PRUNE2: variants seen among roughly 807,000 people sequenced by gnomAD.
The protein encoded by PRUNE2 is prune homolog 2 with BCH domain, also known as protein prune homolog 2.
PRUNE2 carries 164 observed loss-of-function variants against 252.0 expected under a neutral mutation model. The observed-to-expected ratio is 0.65, with a 90% CI of 0.57 to 0.74. The LOEUF (loss-of-function observed/expected upper bound fraction) is 0.74. PRUNE2 is among the 30% of genes least tolerant of loss of function. The probability of loss-of-function intolerance (pLI) is 0.00; values close to 1 mark genes in which losing one functional copy is unlikely to be tolerated. For missense variants in PRUNE2, 3,495 were observed against 3,711.0 expected, an observed-to-expected ratio of 0.94 and a Z score of 1.51; for synonymous variants, 1,292 against 1,350.2, an observed-to-expected ratio of 0.96 and a Z score of 0.94.
chr9:76,884,205 T>C (rs2061955955), intron 1 of PRUNE2, among the ~76,000 whole-genome samples: 1 of 152,186 alleles, frequency 6.6e-6, no homozygotes. Flanking sequence ...GGTGATTAAC[T>C]GTTCCATCCC....
At chr9:76,773,531 C>A (rs1450903628) in intron 6 of PRUNE2, among the ~76,000 whole-genome samples, 1 of 151,510 alleles carries the variant, frequency 6.6e-6, no homozygotes, top group Non-Finnish European at 1.5e-5. Context: ...GTAACCTCCA[C>A]CTCCCGGGTT....
intron 6 of PRUNE2, among the ~76,000 whole-genome samples, chr9:76,721,013 A>C (rs889135266): frequency 1.3e-5 from 2 of 152,166 alleles, no homozygotes; most frequent in Admixed American, 1.3e-4. Flanking sequence ...GAGGCAGGAG[A>C]AGGGCATAAA....
At position 76,827,073 on chromosome 9, in the gene PRUNE2, G is replaced by A. The variant is rs142188225; in HGVS notation, c.509-341C>T. On this transcript the variant is annotated intron_variant, in intron 4 of 18. Transcript: ENST00000376718. ...ATTGGTCTTAAATGATTTCAAAAAGGAAGTTAGTGGTAAACTATTTAAAAG... is the reference window on the plus strand; with the variant it reads ...ATTGGTCTTAAATGATTTCAAAAAGAAAGTTAGTGGTAAACTATTTAAAAG... 4.4e-3 allele frequency among the ~76,000 whole-genome samples: 674 copies of A among 152,264 alleles called. 5 individuals carry two copies. The highest frequency in any genetic ancestry group is 7.1e-3 in the Non-Finnish European group (486 of 68,028).
intron 11 of PRUNE2, among the ~76,000 whole-genome samples, chr9:76,645,731 T>C (rs908937507): frequency 6.6e-6 from 1 of 152,226 alleles, no homozygotes; most frequent in African/African-American, 2.4e-5. Flanking sequence ...TTAATGATGG[T>C]TATTCTTTGT....
intron 9 of PRUNE2, among the ~76,000 whole-genome samples, chr9:76,666,420 T>C (rs112140381): frequency 4.6e-4 from 70 of 152,364 alleles, no homozygotes; most frequent in African/African-American, 1.6e-3. Flanking sequence ...TAGTCCGCTT[T>C]CATGTTCCAT....
chr9:76,781,890 G>C (rs1347154817), intron 6 of PRUNE2, among the ~76,000 whole-genome samples: 2 of 152,148 alleles, frequency 1.3e-5, no homozygotes, highest in Non-Finnish European at 2.9e-5. Flanking sequence ...CAGAATACAG[G>C]TAGGCAAGGT....
At chr9:76,781,343 G>T (rs2131207458) in intron 6 of PRUNE2, among the ~76,000 whole-genome samples, 1 of 152,182 alleles carries the variant, frequency 6.6e-6, no homozygotes, top group East Asian at 1.9e-4. Flanking sequence ...CTCCAGCCAT[G>T]CCACTCCCTC....
At chr9:76,616,419 A>G (rs1829710381) in intron 18 of PRUNE2, among the ~76,000 whole-genome samples, 1 of 152,210 alleles carries the variant, frequency 6.6e-6, no homozygotes, top group Non-Finnish European at 1.5e-5. Context: ...GATGAAGAGA[A>G]TATTTACTAA....
chr9:76,706,240 T>C lies in PRUNE2; in HGVS notation c.6034A>G (p.Ser2012Gly). Residue 2012 changes from serine (S) to glycine (G), a missense_variant, in exon 8 of 19, where the codon AGC becomes GGC. Ser to Gly is a moderately conservative substitution (Grantham distance 56, BLOSUM62 0). Coordinates refer to ENST00000376718, the MANE Select transcript of PRUNE2 (RefSeq NM_015225.3). The stretch of plus-strand genomic sequence containing the variant: ...GCAGGAAAATTTTCTGTGGCAATGC[T>C]TGAATTTGTCATCTCACCTAGGTAT... ...KSYLGEMTNSSIATENFPAVS... is the reference protein window; with the variant it reads ...KSYLGEMTNSGIATENFPAVS... The C allele has an allele frequency of 6.2e-7, 1 of 1,614,030 alleles. No homozygotes were observed. Among genetic ancestry groups the C allele is most frequent in the Non-Finnish European group, 8.5e-7 (1 of 1,179,892 alleles).
chr9:76,841,249 G>A (rs1564416855), intron 4 of PRUNE2, among the ~76,000 whole-genome samples: 1 of 152,168 alleles, frequency 6.6e-6, no homozygotes, highest in Non-Finnish European at 1.5e-5. Flanking sequence ...GGGAAGCCAT[G>A]AGGGACCATG....
chr9:76,765,586 A>C (rs755997924), intron 6 of PRUNE2, among the ~76,000 whole-genome samples: 7 of 152,184 alleles, frequency 4.6e-5, no homozygotes, highest in Non-Finnish European at 1.0e-4. Context: ...TAACTGAATG[A>C]ATGAGTAAAC....
At chr9:76,615,664 T>G (rs541432027) in intron 18 of PRUNE2, among the ~76,000 whole-genome samples, 14 of 152,128 alleles carry the variant, frequency 9.2e-5, no homozygotes, top group Admixed American at 1.3e-4. Flanking sequence ...AATGAATAAG[T>G]CTAAAGCATT....
chr9:76,808,052 C>T (rs1401849240), intron 6 of PRUNE2, among the ~76,000 whole-genome samples: 1 of 152,082 alleles, frequency 6.6e-6, no homozygotes, highest in Non-Finnish European at 1.5e-5. Context: ...GCGGCAGGTG[C>T]CTGTAATCCC....
chr9:76,688,837 TCTA>T (rs1186019238), intron 9 of PRUNE2, among the ~76,000 whole-genome samples: 1 of 152,200 alleles, frequency 6.6e-6, no homozygotes, highest in Admixed American at 6.5e-5. Context: ...CTCCAGCTGC[TCTA>T]CCTTTTAGGC....
chr9:76,766,947 ATTGT>A (rs1340543970), intron 6 of PRUNE2, among the ~76,000 whole-genome samples: 2 of 151,844 alleles, frequency 1.3e-5, no homozygotes, highest in African/African-American at 2.4e-5. Context: ...TTCCTTATTT[ATTGT>A]TTATCATCTA....
chr9:76,892,374 T>C (rs1265855601), intron 1 of PRUNE2, among the ~76,000 whole-genome samples: 1 of 152,230 alleles, frequency 6.6e-6, no homozygotes, highest in Non-Finnish European at 1.5e-5. Flanking sequence ...TTTAAAAAGA[T>C]GTATAAAGAA....
At chr9:76,800,015 C>A (rs959462419) in intron 6 of PRUNE2, among the ~76,000 whole-genome samples, 1 of 152,046 alleles carries the variant, frequency 6.6e-6, no homozygotes, top group Non-Finnish European at 1.5e-5. Flanking sequence ...GGCCAAGAGA[C>A]CAAAGACCCC....
chr9:76,798,560 T>G (rs950493017), intron 6 of PRUNE2, among the ~76,000 whole-genome samples: 1 of 152,186 alleles, frequency 6.6e-6, no homozygotes, highest in Admixed American at 6.5e-5. Context: ...GTTGCTTCCT[T>G]GGCTACTGTG....
intron 6 of PRUNE2, among the ~76,000 whole-genome samples, chr9:76,722,749 G>T (rs2047756356): frequency 6.6e-6 from 1 of 152,112 alleles, no homozygotes; most frequent in Non-Finnish European, 1.5e-5. Flanking sequence ...TTGAGAAAAT[G>T]GAGGCTTTGG....
Sources: gnomAD v4.1 joint callset for allele counts (sites outside exome capture counted in the v4.1 genomes callset) on GRCh38, gnomAD v4.1.1 for gene constraint, MANE v1.5 for transcripts, NCBI Gene and HGNC (gene_info 2026-07-23, HGNC 2026-07-21) for gene names.